The following HTR7 variants were observed in gnomAD, a reference collection of about 807,000 sequenced individuals.
HTR7 encodes 5-hydroxytryptamine receptor 7.
A neutral mutation model predicts 34.0 loss-of-function variants in HTR7; 16 were observed. That is an observed-to-expected ratio of 0.47 (90% CI 0.32 to 0.71). The LOEUF is 0.71. Ranked by LOEUF, HTR7 falls within the 30% of genes least tolerant of loss-of-function variation. HTR7 has a pLI of 0.04. For synonymous variants in HTR7, 265 were observed against 260.2 expected (o/e 1.02, Z -0.18); for missense variants, 504 against 625.5 (o/e 0.81, Z 2.07).
At chr10:90,778,655 G>A (rs78049944) in intron 1 of HTR7, among the ~76,000 whole-genome samples, 198 of 152,316 alleles carry the variant, frequency 1.3e-3, no homozygotes, top group Admixed American at 2.9e-3. Flanking sequence ...CTGCTCAAAC[G>A]TGGCTCCTTT....
chr10:90,780,767 T>G (rs1437986677), intron 1 of HTR7, among the ~76,000 whole-genome samples: 6 of 152,084 alleles, frequency 3.9e-5, no homozygotes, highest in African/African-American at 7.2e-5. Flanking sequence ...ACTCTCCACA[T>G]GTATAAATCT....
At chr10:90,810,249 T>C (rs946480494) in intron 1 of HTR7, among the ~76,000 whole-genome samples, 2 of 152,110 alleles carry the variant, frequency 1.3e-5, no homozygotes, top group Non-Finnish European at 2.9e-5. Context: ...CCACATCTCA[T>C]TGCCACCTTT....
chr10:90,808,965 A>G (rs903139625), intron 1 of HTR7, among the ~76,000 whole-genome samples: 3 of 152,132 alleles, frequency 2.0e-5, no homozygotes, highest in Non-Finnish European at 2.9e-5. Context: ...TCTTTTACAC[A>G]TCAGTCCCTT....
At chr10:90,799,390 C>T (rs974347046) in intron 1 of HTR7, among the ~76,000 whole-genome samples, 2 of 151,720 alleles carry the variant, frequency 1.3e-5, no homozygotes, top group Non-Finnish European at 2.9e-5. Context: ...TGAAGAGATC[C>T]CCAGGTGATT....
intron 1 of HTR7, among the ~76,000 whole-genome samples, chr10:90,803,055 C>A (rs192395690): frequency 1.5e-5 from 2 of 136,836 alleles, no homozygotes; most frequent in African/African-American, 5.5e-5. Context: ...AGCAGCAGAT[C>A]CATATGGGCC....
intron 1 of HTR7, among the ~76,000 whole-genome samples, chr10:90,828,033 T>G (rs1329683781): frequency 1.3e-5 from 2 of 152,028 alleles, no homozygotes; most frequent in Non-Finnish European, 2.9e-5. Context: ...CACAATGGAA[T>G]AAAACAAGAA....
intron 2 of HTR7, 126 bp downstream of exon 2, chr10:90,748,713 T>A: frequency 2.7e-6 from 3 of 1,102,298 alleles, no homozygotes; most frequent in Non-Finnish European, 3.9e-6. Flanking sequence ...TGTTGTCAAT[T>A]CAAATCTGGT....
chr10:90,795,131 A>T (rs1477737036), intron 1 of HTR7, among the ~76,000 whole-genome samples: 1 of 152,248 alleles, frequency 6.6e-6, no homozygotes, highest in Non-Finnish European at 1.5e-5. Context: ...GATTGCAGAT[A>T]TCTCATCAAC....
chr10:90,786,885 C>T (rs1028899920), intron 1 of HTR7, among the ~76,000 whole-genome samples: 5 of 152,174 alleles, frequency 3.3e-5, no homozygotes, highest in Admixed American at 1.3e-4. Flanking sequence ...TCTTCATGGA[C>T]GCCTTCCTCT....
At chr10:90,819,881 C>A (rs1053298506) in intron 1 of HTR7, among the ~76,000 whole-genome samples, 13 of 151,104 alleles carry the variant, frequency 8.6e-5, no homozygotes, top group Non-Finnish European at 1.9e-4. Flanking sequence ...TTTTAAATGT[C>A]AAAACATTTT....
chr10:90,851,887 T>C (rs1418703113), intron 1 of HTR7, among the ~76,000 whole-genome samples: 1 of 152,196 alleles, frequency 6.6e-6, no homozygotes, highest in African/African-American at 2.4e-5. Flanking sequence ...GCACAAGCTC[T>C]CTCTTGCCTG....
At chr10:90,789,519 C>T (rs1845433366) in intron 1 of HTR7, among the ~76,000 whole-genome samples, 1 of 152,058 alleles carries the variant, frequency 6.6e-6, no homozygotes, top group African/African-American at 2.4e-5. Context: ...ATCAAATGTT[C>T]TTTATAAATC....
chr10:90,829,998 C>T (rs868350509), intron 1 of HTR7, among the ~76,000 whole-genome samples: 2 of 152,166 alleles, frequency 1.3e-5, no homozygotes, highest in African/African-American at 4.8e-5. Context: ...GTTAAAATGT[C>T]CATATTAACC....
intron 1 of HTR7, among the ~76,000 whole-genome samples, chr10:90,756,577 AAG>A (rs1844835161): frequency 1.3e-5 from 2 of 152,220 alleles, no homozygotes; most frequent in Non-Finnish European, 2.9e-5. Flanking sequence ...AAGTAGATAA[AAG>A]AGAGAGGGGG....
chr10:90,808,403 C>T (rs1845737867), intron 1 of HTR7, among the ~76,000 whole-genome samples: 1 of 151,956 alleles, frequency 6.6e-6, no homozygotes, highest in South Asian at 2.1e-4. Flanking sequence ...CCAACCCCTT[C>T]TCCTTCATCC....
intron 1 of HTR7, among the ~76,000 whole-genome samples, chr10:90,781,094 T>C (rs1845299881): frequency 6.6e-6 from 1 of 152,158 alleles, no homozygotes; most frequent in Non-Finnish European, 1.5e-5. Flanking sequence ...AAAGTGGAAG[T>C]CCTCTCCCCC....
In HTR7 at chr10:90,767,668, C is replaced by A. The variant is rs184284802; in HGVS notation, c.540-18074G>T. On this transcript the variant is annotated intron_variant, in intron 1 of 3. Coordinates refer to ENST00000336152, the MANE Select transcript of HTR7 (RefSeq NM_019859.4). ...CTGAGGCTGACCCTTAAGAGATGTG[C>A]AGCTTCCACCTTTACTGCTTGGAAA... Among the ~76,000 whole-genome samples, 257 of 152,278 alleles carry A rather than the reference C, an allele frequency of 1.7e-3. 1 individual carries two copies. The highest frequency in any genetic ancestry group is 7.8e-4 in the East Asian group (4 of 5,158).
chr10:90,850,700 C>G (rs1398793817), intron 1 of HTR7, among the ~76,000 whole-genome samples: 1 of 152,044 alleles, frequency 6.6e-6, no homozygotes, highest in Admixed American at 6.5e-5. Flanking sequence ...GTTTAAAAAG[C>G]TTAAATGGAA....
intron 1 of HTR7, among the ~76,000 whole-genome samples, chr10:90,801,255 G>A (rs1381532958): frequency 1.3e-5 from 2 of 152,146 alleles, no homozygotes; most frequent in Non-Finnish European, 2.9e-5. Context: ...TTCTCCTTAA[G>A]CTCAGAGATC....
Sources: gnomAD v4.1 joint callset for allele counts (sites outside exome capture counted in the v4.1 genomes callset) on GRCh38, gnomAD v4.1.1 for gene constraint, MANE v1.5 for transcripts, NCBI Gene and HGNC (gene_info 2026-07-23, HGNC 2026-07-21) for gene names.